Variants in HDAC3 observed in about 807,000 individuals in gnomAD.
HDAC3 encodes the protein SMAP45.
A neutral mutation model predicts 62.3 loss-of-function variants in HDAC3; 21 were observed. That is an observed-to-expected ratio of 0.34 (90% CI 0.24 to 0.49). The LOEUF (loss-of-function observed/expected upper bound fraction) is 0.49. Ranked by LOEUF, HDAC3 falls within the 20% of genes least tolerant of loss-of-function variation. The pLI is 0.99. For missense variants in HDAC3, 270 were observed against 556.9 expected (o/e 0.48, Z 5.19); for synonymous variants, 198 against 206.5 (o/e 0.96, Z 0.35).
intron 14 of HDAC3, among the ~76,000 whole-genome samples, chr5:141,624,161 A>G (rs2099904100): frequency 6.6e-6 from 1 of 151,678 alleles, no homozygotes; most frequent in Admixed American, 6.6e-5. Flanking sequence ...TGTCCAGCTC[A>G]AGACCTGGAA....
chr5:141,622,037 G>C (rs573907793), intron 14 of HDAC3, among the ~76,000 whole-genome samples: 1 of 152,266 alleles, frequency 6.6e-6, no homozygotes, highest in East Asian at 1.9e-4. Context: ...AGAGACTGAT[G>C]TATTCCAGTA....
intron 3 of HDAC3, among the ~76,000 whole-genome samples, chr5:141,633,164 T>C (rs937633175): frequency 1.3e-5 from 2 of 152,238 alleles, no homozygotes; most frequent in African/African-American, 4.8e-5. Flanking sequence ...GTAGCTATCA[T>C]AAGAAATTCT....
chr5:141,621,620 G>T, intron 14 of HDAC3, 83 bp from the exon 15 acceptor site: 1 of 1,140,088 alleles, frequency 8.8e-7, no homozygotes, highest in Non-Finnish European at 1.3e-6. Flanking sequence ...CCATTTCTCA[G>T]GCCCCGTTGA....
rs377079585 is a variant in HDAC3 at position 141,636,794 on chromosome 5, G to A, written c.-4C>T. 8.7e-6 allele frequency: 14 copies of A among 1,601,760 alleles called. No homozygotes were observed. In the African/African-American group the frequency reaches 1.5e-4, roughly 17 times the overall value. On this transcript the variant is annotated 5_prime_UTR_variant, in exon 1 of 15. Coordinates refer to ENST00000305264, the MANE Select transcript of HDAC3 (RefSeq NM_003883.4). ...AATAGGCCACGGTCTTGGCCATGGTGCCGGCGGGAGCAGGCCCCGCACCTC... is the reference window on the plus strand; with the variant it reads ...AATAGGCCACGGTCTTGGCCATGGTACCGGCGGGAGCAGGCCCCGCACCTC...
intron 14 of HDAC3, among the ~76,000 whole-genome samples, chr5:141,621,905 A>C (rs2099903760): frequency 1.3e-5 from 2 of 152,224 alleles, no homozygotes; most frequent in African/African-American, 4.8e-5. Flanking sequence ...AAAAGGGTGA[A>C]ATTTCAGACA....
Position 141,621,316 on chromosome 5 carries a change from G to A in HDAC3, c.*152C>T. On this transcript the variant is annotated 3_prime_UTR_variant, in exon 15 of 15. Coordinates refer to ENST00000305264, the MANE Select transcript of HDAC3 (RefSeq NM_003883.4). ...GGAGAGAGAGGAAAAGCAGGTAGAT[G>A]GTTCGAGAACCAAATGTGGTCTCCA... The A allele has an allele frequency of 1.5e-6, 1 of 679,528 alleles. No homozygotes were observed. The allele number at this position is 679,528 out of a possible 1,614,324, so 42.1% of individuals were successfully genotyped here.
In HDAC3 at chr5:141,635,046, T is replaced by C; in HGVS notation, c.139-93A>G. The C allele has an allele frequency of 2.3e-6, 3 of 1,301,976 alleles. No homozygotes were observed. The South Asian group carries it at 4.2e-5, about 18-fold the overall frequency. 80.7% of individuals were successfully genotyped at this position (1,301,976 alleles called of 1,614,324 possible). A position where few individuals can be genotyped will look rare whatever the true frequency, so the allele number is the denominator to read the frequency against. On this transcript the variant is annotated intron_variant, in intron 2 of 14. Transcript: ENST00000305264. ...ACTGAACCCAGTCCTGGAGACTATA[T>C]GAAGCCAAACATAGCATTCCCCTCA...
chr5:141,624,968 G>A, intron 14 of HDAC3: 1 of 469,856 alleles, frequency 2.1e-6, no homozygotes, highest in Non-Finnish European at 3.7e-6. Context: ...GGTTACTCCT[G>A]TGGAATAGGT....
chr5:141,627,755 TTTCTAG>T (rs1335432142), intron 10 of HDAC3, 132 bp downstream of exon 10: 1 of 755,836 alleles, frequency 1.3e-6, no homozygotes, highest in Non-Finnish European at 2.3e-6. Context: ...CAAGATGACA[TTTCTAG>T]TTCAAGTACA....
At chr5:141,622,778 T>C (rs1454929461) in intron 14 of HDAC3, among the ~76,000 whole-genome samples, 1 of 152,088 alleles carries the variant, frequency 6.6e-6, no homozygotes, top group African/African-American at 2.4e-5. Context: ...TCAGGTTGAA[T>C]CTCAGCCCTG....
At chr5:141,627,391 G>C (rs1161679569) in intron 10 of HDAC3, among the ~76,000 whole-genome samples, 2 of 152,130 alleles carry the variant, frequency 1.3e-5, no homozygotes, top group African/African-American at 4.8e-5. Context: ...AGAGCCTTTT[G>C]TGGGCCTTTG....
At position 141,636,448 on chromosome 5, in the gene HDAC3, T is replaced by C. The variant is rs1036606249; in HGVS notation, c.138+100A>G. On this transcript the variant is annotated intron_variant, in intron 2 of 14. Coordinates refer to ENST00000305264, the MANE Select transcript of HDAC3 (RefSeq NM_003883.4). The stretch of plus-strand genomic sequence containing the variant: ...ACTTCTATCCAGCTCCCCGATACTC[T>C]AGGGGCGGGTCGCACTTCATGCACT... 4.8e-6 allele frequency: 5 copies of C among 1,031,806 alleles called. No homozygotes were observed. In the African/African-American group the frequency reaches 7.9e-5, roughly 16 times the overall value. The allele number at this position is 1,031,806 out of a possible 1,614,324, so 63.9% of individuals were successfully genotyped here.
At chr5:141,623,597 C>T (rs2154597723) in intron 14 of HDAC3, among the ~76,000 whole-genome samples, 1 of 152,360 alleles carries the variant, frequency 6.6e-6, no homozygotes, top group Middle Eastern at 3.4e-3. Context: ...AAGCCAGACA[C>T]TTCCAGATGT....
intron 10 of HDAC3, among the ~76,000 whole-genome samples, chr5:141,627,301 C>T (rs1199001808): frequency 1.3e-5 from 2 of 152,144 alleles, no homozygotes; most frequent in Admixed American, 1.3e-4. Flanking sequence ...TGGCCTCAAA[C>T]TCCTAGCCTC....
intron 3 of HDAC3, among the ~76,000 whole-genome samples, chr5:141,630,348 T>G (rs1213994019): frequency 1.3e-5 from 2 of 152,236 alleles, no homozygotes; most frequent in East Asian, 3.8e-4. Flanking sequence ...AGCACTTAAC[T>G]GTCAGGGAGT....
At chr5:141,627,806 A>G (rs1276443831) in intron 10 of HDAC3, 87 bp downstream of exon 10, 3 of 1,069,366 alleles carry the variant, frequency 2.8e-6, no homozygotes, top group Admixed American at 1.7e-5. Flanking sequence ...AGAAGAGGTG[A>G]GGCCCATTCC....
In HDAC3 at chr5:141,621,207, C is replaced by T. The variant is rs2099903658; in HGVS notation, c.*261G>A. 1 of 437,170 alleles carries T rather than the reference C, an allele frequency of 2.3e-6. No homozygotes were observed. Among genetic ancestry groups the T allele is most frequent in the Admixed American group, 4.2e-5 (1 of 23,938 alleles). The allele number at this position is 437,170 out of a possible 1,614,324, so 27.1% of individuals were successfully genotyped here. Reference sequence around the variant, plus strand: ...AGGGGCAAGGGGGGCTAGGGACTGGCCTCCAGGGCCCACTGCCAATAATGT... The same window carrying T: ...AGGGGCAAGGGGGGCTAGGGACTGGTCTCCAGGGCCCACTGCCAATAATGT... On this transcript the variant is annotated 3_prime_UTR_variant, in exon 15 of 15. Coordinates refer to ENST00000305264, the MANE Select transcript of HDAC3 (RefSeq NM_003883.4).
In HDAC3 at chr5:141,625,677, C is replaced by A. The variant is rs778298728; in HGVS notation, c.1059+8G>T. ...GAAGTTTGTGCTCAGCTTTTCTGAG[C>A]TGCTGACCTGGCGTGAGTTCTGATT... On this transcript the variant is annotated splice_region_variant and intron_variant, in intron 13 of 14. Coordinates refer to ENST00000305264, the MANE Select transcript of HDAC3 (RefSeq NM_003883.4). The surrounding 1 kb of genome is among the most constrained non-coding windows in gnomAD (Gnocchi z 4.0). 1 of 1,613,656 alleles carries A rather than the reference C, an allele frequency of 6.2e-7. No individual in the cohort carries two copies. Among genetic ancestry groups the A allele is most frequent in the South Asian group, 1.1e-5 (1 of 91,068 alleles).
In HDAC3 at chr5:141,625,204, A is replaced by T. The variant is rs2099904282; in HGVS notation, c.1217+4T>A. 6.3e-7 allele frequency: 1 copy of T among 1,597,834 alleles called. No homozygotes were observed. Among genetic ancestry groups the T allele is most frequent in the African/African-American group, 1.4e-5 (1 of 74,020 alleles). On this transcript the variant is annotated splice_donor_region_variant and intron_variant, in intron 14 of 14. Coordinates refer to ENST00000305264, the MANE Select transcript of HDAC3 (RefSeq NM_003883.4). The surrounding 1 kb of genome is among the most constrained non-coding windows in gnomAD (Gnocchi z 4.0). ...AAAGTAGGCTGAAGTCCCTGCTCCC[A>T]GACCTGCTATAGTTCTCCTCAGGAC...
Sources: gnomAD v4.1 joint callset for allele counts (sites outside exome capture counted in the v4.1 genomes callset) on GRCh38, gnomAD v4.1.1 for gene constraint, Gnocchi (gnomAD v3.1) non-coding constraint, MANE v1.5 for transcripts, NCBI Gene and HGNC (gene_info 2026-07-23, HGNC 2026-07-21) for gene names.